The following SH2B1 variants were observed in gnomAD, a reference collection of about 807,000 sequenced individuals.
SH2B1 encodes the protein SH2B adaptor protein 1, also known as SH2B adapter protein 1.
SH2B1 carries 15 observed loss-of-function variants against 62.6 expected under a neutral mutation model. The ratio of observed to expected loss-of-function variants is 0.24; its 90% CI spans 0.16 to 0.37. SH2B1 has a LOEUF of 0.37. SH2B1 is among the 10% of genes least tolerant of loss of function. SH2B1 has a pLI of 1.00. For missense variants in SH2B1, 925 were observed against 1,015.6 expected, an observed-to-expected ratio of 0.91 and a Z score of 1.21; for synonymous variants, 443 against 438.0, an observed-to-expected ratio of 1.01 and a Z score of -0.14.
intron 4 of SH2B1, 80 bp downstream of exon 4, chr16:28,869,463 C>T: frequency 7.7e-7 from 1 of 1,303,064 alleles, no homozygotes; most frequent in Non-Finnish European, 1.1e-6. Context: ...ATGCCCTCTC[C>T]AGACGCCACT....
In SH2B1 at chr16:28,852,223, TA is replaced by T. The variant is rs1962119605; in HGVS notation, c.-301+5397del. Among the ~76,000 whole-genome samples the T allele has an allele frequency of 8.7e-5, 8 of 91,594 alleles. 1 individual carries two copies. In the South Asian group the frequency reaches 1.6e-3, roughly 19 times the overall value. 60.1% of individuals were successfully genotyped at this position (91,594 alleles called of 152,430 possible). On this transcript the variant is annotated intron_variant, in intron 1 of 10. Coordinates refer to the SH2B1 transcript ENST00000322610. ...ATATATTTACATATATATATTTACATATATATTTACATATATATATTTACAT... is the reference window on the plus strand; with the variant it reads ...ATATATTTACATATATATATTTACATTATATTTACATATATATATTTACAT...
chr16:28,871,652 C>T, intron 4 of SH2B1, 128 bp from the exon 5 acceptor site: 2 of 736,234 alleles, frequency 2.7e-6, no homozygotes, highest in African/African-American at 1.8e-5. Context: ...GGTCACTACC[C>T]ACAGAGCTGT....
chr16:28,850,796 T>C (rs1357140912), intron 1 of SH2B1, among the ~76,000 whole-genome samples: 1 of 142,162 alleles, frequency 7.0e-6, no homozygotes. Context: ...GAGGCAGAGG[T>C]TGCAGTGAGC....
Position 28,873,374 on chromosome 16 carries a change from G to A in SH2B1, c.1898-73G>A. 1 of 1,581,750 alleles carries A rather than the reference G, an allele frequency of 6.3e-7. No individual in the cohort carries two copies. Among genetic ancestry groups the A allele is most frequent in the Non-Finnish European group, 8.5e-7 (1 of 1,171,800 alleles). ...GAGACAGCCACGCTCCTGGGGGGCT[G>A]AGTGAAGGGGAGGCCACGGCAGGAG... On this transcript the variant is annotated intron_variant, in intron 7 of 7. Transcript: ENST00000684370. This position sits in a 1 kb window ranked among gnomAD's most constrained non-coding sequence, Gnocchi z 4.2.
chr16:28,871,861 CGAT>C lies in SH2B1; in HGVS notation c.1393_1395del (p.Met465del), dbSNP rs750749390. ...TCCATTGCCGCCTCCCATTTTGACT[CGAT>C]GGAACTGCTTCCCCCAGAGTTGCCC... is the stretch of plus-strand genomic sequence containing the variant. On this transcript the variant is annotated inframe_deletion, in exon 5 of 8. Transcript: ENST00000684370. The C allele has an allele frequency of 1.4e-5, 23 of 1,611,442 alleles. 1 individual carries two copies. The South Asian group carries it at 2.5e-4, about 18-fold the overall frequency.
At chr16:28,867,974 A>G (rs1466690752) in intron 2 of SH2B1, among the ~76,000 whole-genome samples, 2 of 151,588 alleles carry the variant, frequency 1.3e-5, no homozygotes, top group African/African-American at 4.9e-5. Flanking sequence ...GATTACAGGC[A>G]TGCACCACTA....
Position 28,864,158 on chromosome 16 carries a change from C to T in SH2B1, c.-1937C>T, listed in dbSNP as rs1039942660. 2.6e-6 allele frequency: 3 copies of T among 1,145,612 alleles called. No individual in the cohort carries two copies. Among genetic ancestry groups the T allele is most frequent in the Admixed American group, 8.9e-5 (2 of 22,526 alleles). The allele number at this position is 1,145,612 out of a possible 1,614,324, so 71.0% of individuals were successfully genotyped here. ...CTGGGGGGTGTCCAGGGAGTAGGGTCGGATCGGAGTATATGGACCACCGGG... is the reference window on the plus strand; with the variant it reads ...CTGGGGGGTGTCCAGGGAGTAGGGTTGGATCGGAGTATATGGACCACCGGG... On this transcript the variant is annotated 5_prime_UTR_variant, in exon 1 of 8. Transcript: ENST00000684370.
chr16:28,851,130 C>T (rs1277481020), intron 1 of SH2B1, among the ~76,000 whole-genome samples: 4 of 150,222 alleles, frequency 2.7e-5, no homozygotes, highest in Non-Finnish European at 4.4e-5. Flanking sequence ...GCCGAGATTG[C>T]GCCACTGCAC....
Position 28,866,379 on chromosome 16 carries a change from G to C in SH2B1, c.285G>C (p.Leu95=), listed in dbSNP as rs762374544. The change falls in exon 1 of 8, where the codon CTG becomes CTC. Residue 95 remains leucine, a synonymous_variant. Transcript: ENST00000684370. This position sits in a 1 kb window ranked among gnomAD's most constrained non-coding sequence, Gnocchi z 6.3. ...GSLSPPILAP[L]SPGAEISPHD... ...TGTCGCCACCCATCCTGGCTCCCCT[G>C]AGCCCTGGTGCGGAGATTTCGCCAC... 8.1e-6 allele frequency: 13 copies of C among 1,613,478 alleles called. No homozygotes were observed. Among genetic ancestry groups the C allele is most frequent in the Non-Finnish European group, 1.0e-5 (12 of 1,179,996 alleles).
intron 1 of SH2B1, among the ~76,000 whole-genome samples, chr16:28,858,571 C>T (rs1962373251): frequency 6.6e-6 from 1 of 151,992 alleles, no homozygotes; most frequent in Admixed American, 6.6e-5. Context: ...ATTTCTATGA[C>T]TCAGGAAATT....
At chr16:28,855,114 T>C (rs928394988) in intron 1 of SH2B1, among the ~76,000 whole-genome samples, 6 of 151,948 alleles carry the variant, frequency 3.9e-5, no homozygotes, top group African/African-American at 1.5e-4. Context: ...CTTCGGGTGA[T>C]CTGCCCACCT....
intron 1 of SH2B1, among the ~76,000 whole-genome samples, chr16:28,858,659 G>T (rs1962374384): frequency 1.3e-5 from 2 of 152,104 alleles, no homozygotes; most frequent in African/African-American, 4.8e-5. Flanking sequence ...TATTTATTTG[G>T]CTGGGCATAG....
At position 28,865,222 on chromosome 16, in the gene SH2B1, G is replaced by GC. The variant is rs1962618124; in HGVS notation, c.-869dup. On this transcript the variant is annotated 5_prime_UTR_variant, in exon 1 of 8. Coordinates refer to ENST00000684370, the MANE Select transcript of SH2B1 (RefSeq NM_001387430.1). ...GAGCCAACCCAGTTTCTCCTCTGGG[G>GC]CCCCTGCGGCCTCTGGCCCCAGACT... 5.1e-6 allele frequency: 5 copies of GC among 985,624 alleles called. No individual in the cohort carries two copies. Among genetic ancestry groups the GC allele is most frequent in the Non-Finnish European group, 6.0e-6 (5 of 829,958 alleles). The allele number at this position is 985,624 out of a possible 1,614,324, so 61.1% of individuals were successfully genotyped here.
At chr16:28,867,541 G>T (rs1293623898) in intron 2 of SH2B1, 109 bp downstream of exon 2, 5 of 785,012 alleles carry the variant, frequency 6.4e-6, no homozygotes, top group South Asian at 4.3e-5. Flanking sequence ...TGTGTCCAGT[G>T]CCTTGAGAGT....
chr16:28,852,444 ATATT>A lies in SH2B1; in HGVS notation c.-301+5620_-301+5623del, dbSNP rs1275723212. Among the ~76,000 whole-genome samples, 94 of 71,092 alleles carry A rather than the reference ATATT, an allele frequency of 1.3e-3. 25 individuals are homozygous for A. Among genetic ancestry groups the A allele is most frequent in the Admixed American group, 2.2e-3 (10 of 4,604 alleles). The allele number at this position is 71,092 out of a possible 152,430, so 46.6% of individuals were successfully genotyped here. On this transcript the variant is annotated intron_variant, in intron 1 of 10. Coordinates refer to the SH2B1 transcript ENST00000322610. ...TATATTTACATATATATTTATATATATATTTACATATATATTTATATATATACAT... is the reference window on the plus strand; with the variant it reads ...TATATTTACATATATATTTATATATATACATATATATTTATATATATACAT...
At position 28,852,806 on chromosome 16, in the gene SH2B1, TTACA is replaced by T. The variant is rs1962189803; in HGVS notation, c.-301+5982_-301+5985del. On this transcript the variant is annotated intron_variant, in intron 1 of 10. Coordinates refer to the SH2B1 transcript ENST00000322610. Reference sequence around the variant, plus strand: ...TTTACATATATATTTACATATATATTTACATATATTTACATATATATTTATATAT... The same window carrying T: ...TTTACATATATATTTACATATATATTTATATTTACATATATATTTATATAT... 3.5e-5 allele frequency among the ~76,000 whole-genome samples: 2 copies of T among 57,600 alleles called. 1 individual carries two copies. The highest frequency in any genetic ancestry group is 5.4e-5 in the Non-Finnish European group (2 of 36,804). 37.8% of individuals were successfully genotyped at this position (57,600 alleles called of 152,430 possible). A position where few individuals can be genotyped will look rare whatever the true frequency, so the allele number is the denominator to read the frequency against.
chr16:28,856,906 C>T (rs968787588), intron 1 of SH2B1, among the ~76,000 whole-genome samples: 2 of 152,102 alleles, frequency 1.3e-5, no homozygotes, highest in South Asian at 2.1e-4. Context: ...CCAGGGCTCC[C>T]GTCATACCCA....
In SH2B1 at chr16:28,864,035, T is replaced by G. The variant is rs1596619347; in HGVS notation, c.-2060T>G. On this transcript the variant is annotated 5_prime_UTR_variant, in exon 1 of 8. Coordinates refer to ENST00000684370, the MANE Select transcript of SH2B1 (RefSeq NM_001387430.1). ...GCCCGAGAGGATTCCTGGGTGGGGG[T>G]GGGCGTGGAGGGCCGGGGGCTGGAG... The G allele has an allele frequency of 2.8e-4, 354 of 1,266,278 alleles. No individual in the cohort carries two copies. Among genetic ancestry groups the G allele is most frequent in the East Asian group, 1.5e-3 (39 of 26,070 alleles). 78.4% of individuals were successfully genotyped at this position (1,266,278 alleles called of 1,614,324 possible). A position where few individuals can be genotyped will look rare whatever the true frequency, so the allele number is the denominator to read the frequency against.
chr16:28,862,843 C>G (rs1437011097), upstream of SH2B1: 1 of 150,818 alleles, frequency 6.6e-6, no homozygotes, highest in Non-Finnish European at 1.5e-5. Context: ...GTCTCAAACT[C>G]CTGACCTCAA....
Sources: allele counts gnomAD v4.1 joint callset (sites outside exome capture counted in the v4.1 genomes callset), GRCh38; gene constraint gnomAD v4.1.1; non-coding constraint Gnocchi (gnomAD v3.1); transcripts MANE v1.5; gene names NCBI Gene and HGNC (gene_info 2026-07-23, HGNC 2026-07-21).